GID4: variants seen among roughly 807,000 people sequenced by gnomAD.
GID4 encodes glucose-induced degradation protein 4 homolog.
Under a neutral mutation model 32.4 loss-of-function variants are expected in GID4, and 7 were observed. The observed-to-expected ratio is 0.22, with a 90% CI of 0.12 to 0.41. The LOEUF (loss-of-function observed/expected upper bound fraction) is 0.41. Ranked by LOEUF, GID4 falls within the 10% of genes least tolerant of loss-of-function variation. The probability of loss-of-function intolerance (pLI) is 1.00; values close to 1 mark genes in which losing one functional copy is unlikely to be tolerated. For missense variants in GID4, 309 were observed against 400.0 expected (o/e 0.77, Z 1.94); for synonymous variants, 166 against 170.0 (o/e 0.98, Z 0.18).
chr17:18,051,778 AAGTT>A (rs2145560562), intron 2 of GID4, among the ~76,000 whole-genome samples: 1 of 149,774 alleles, frequency 6.7e-6, no homozygotes, highest in Non-Finnish European at 1.5e-5. Context: ...TTATAATTAA[AAGTT>A]AGTTTATACC....
chr17:18,051,158 C>T (rs1351685521), intron 2 of GID4, among the ~76,000 whole-genome samples: 1 of 152,026 alleles, frequency 6.6e-6, no homozygotes, highest in African/African-American at 2.4e-5. Context: ...CATATTAGGA[C>T]CTCCTCCCCA....
chr17:18,058,705 C>T lies in GID4; in HGVS notation c.607-163C>T, dbSNP rs1027701500. Among the ~76,000 whole-genome samples, 9 of 152,142 alleles carry T rather than the reference C, an allele frequency of 5.9e-5. 1 individual carries two copies. The highest frequency in any genetic ancestry group is 2.2e-4 in the African/African-American group (9 of 41,424). ...GTTGAGTCTGCATTCAATGGGGTGA[C>T]CATAGGGCCCCATCTGTTACTTGGT... On this transcript the variant is annotated intron_variant, in intron 3 of 5. Transcript: ENST00000268719.
intron 1 of GID4, 33 bp from the exon 2 acceptor site, chr17:18,045,114 A>G (rs772109610): frequency 3.8e-6 from 6 of 1,570,786 alleles, no homozygotes; most frequent in South Asian, 3.3e-5. Context: ...AAGTTTATCT[A>G]TTTGTGACAG....
At position 18,039,937 on chromosome 17, in the gene GID4, C is replaced by G. The variant is rs757891822; in HGVS notation, c.438+35C>G. 75 of 1,335,306 alleles carry G rather than the reference C, an allele frequency of 5.6e-5. No homozygotes were observed. Among genetic ancestry groups the G allele is most frequent in the Non-Finnish European group, 1.4e-5 (15 of 1,038,518 alleles). The allele number at this position is 1,335,306 out of a possible 1,614,324, so 82.7% of individuals were successfully genotyped here. A position where few individuals can be genotyped will look rare whatever the true frequency, so the allele number is the denominator to read the frequency against. ...GGGCCGGGCCGGGGCCCGAGGGCCT[C>G]CTCGCGGCGCTCACGGGCCGTGCCC... On this transcript the variant is annotated intron_variant, in intron 1 of 5. Coordinates refer to ENST00000268719, the MANE Select transcript of GID4 (RefSeq NM_024052.5). The surrounding 1 kb of genome is among the most constrained non-coding windows in gnomAD (Gnocchi z 5.3).
At position 18,067,703 on chromosome 17, in the gene GID4, C is replaced by T. The variant is rs532577992; in HGVS notation, c.*2460C>T. ...TGAACCTTCTCAGTGGTTTACATGC[C>T]TCTGAAACTATGTGCAATATTTTTG... On this transcript the variant is annotated 3_prime_UTR_variant, in exon 6 of 6. Coordinates refer to ENST00000268719, the MANE Select transcript of GID4 (RefSeq NM_024052.5). The T allele has an allele frequency of 6.5e-6, 1 of 152,758 alleles. No individual in the cohort carries two copies. Among genetic ancestry groups the T allele is most frequent in the South Asian group, 2.1e-4 (1 of 4,826 alleles). The allele number at this position is 152,758 out of a possible 1,614,324, so 9.5% of individuals were successfully genotyped here.
chr17:18,057,169 T>C (rs2145568085), intron 3 of GID4: 2 of 1,077,726 alleles, frequency 1.9e-6, no homozygotes, highest in African/African-American at 3.2e-5. Flanking sequence ...TGGTGGCTCA[T>C]GCCTGTAATG....
chr17:18,055,772 G>A lies in GID4; in HGVS notation c.606+1538G>A, dbSNP rs376527112. Among the ~76,000 whole-genome samples, 4 of 151,982 alleles carry A rather than the reference G, an allele frequency of 2.6e-5. No homozygotes were observed. The East Asian group carries it at 7.7e-4, about 29-fold the overall frequency. On this transcript the variant is annotated intron_variant, in intron 3 of 5. Transcript: ENST00000268719. The stretch of plus-strand genomic sequence containing the variant: ...CCCAAAGTGCTGGGATTATAGGTGT[G>A]AGCCACTGACCCAACCTGTTTTTTT...
chr17:18,056,827 A>G, intron 3 of GID4: 1 of 1,550,602 alleles, frequency 6.4e-7, no homozygotes. Context: ...CAGGGAGCTG[A>G]ACCTATGGAG....
In GID4 at chr17:18,061,814, T is replaced by A. The variant is rs747699974; in HGVS notation, c.709-31T>A. ...CCCCGTGGGTGGTCAGAGAATGCTA[T>A]CTGTTACTGACCCTCTTCATCTGTG... On this transcript the variant is annotated intron_variant, in intron 4 of 5. Coordinates refer to ENST00000268719, the MANE Select transcript of GID4 (RefSeq NM_024052.5). The surrounding 1 kb of genome is among the most constrained non-coding windows in gnomAD (Gnocchi z 4.4). The A allele has an allele frequency of 1.4e-5, 22 of 1,612,736 alleles. No homozygotes were observed. In the South Asian group the frequency reaches 2.2e-4, roughly 16 times the overall value.
chr17:18,056,562 A>G (rs531929669), intron 3 of GID4: 27 of 760,178 alleles, frequency 3.6e-5, no homozygotes, highest in African/African-American at 3.1e-4. Flanking sequence ...CCTCTCTCCC[A>G]TTCAACTCTA....
intron 1 of GID4, among the ~76,000 whole-genome samples, chr17:18,042,950 C>T (rs937170092): frequency 2.0e-5 from 3 of 152,062 alleles, no homozygotes; most frequent in African/African-American, 7.2e-5. Context: ...ACTTTCTTTT[C>T]TGTGATTCTA....
chr17:18,046,233 ATTC>A (rs2044851520), intron 2 of GID4, among the ~76,000 whole-genome samples: 3 of 152,210 alleles, frequency 2.0e-5, no homozygotes, highest in South Asian at 2.1e-4. Flanking sequence ...CTGGGGTGGC[ATTC>A]TTCTTCTGCC....
At chr17:18,060,978 A>G (rs1222858322) in intron 4 of GID4, among the ~76,000 whole-genome samples, 1 of 151,968 alleles carries the variant, frequency 6.6e-6, no homozygotes, top group Non-Finnish European at 1.5e-5. Context: ...CAGGTGATCC[A>G]CCCACCTCAG....
At chr17:18,051,937 G>A (rs2044913880) in intron 2 of GID4, among the ~76,000 whole-genome samples, 1 of 151,736 alleles carries the variant, frequency 6.6e-6, no homozygotes, top group African/African-American at 2.4e-5. Flanking sequence ...AGACAGGCGT[G>A]GTGGCATGCA....
intron 2 of GID4, among the ~76,000 whole-genome samples, chr17:18,051,652 G>A (rs1467576392): frequency 6.6e-6 from 1 of 151,456 alleles, no homozygotes; most frequent in Non-Finnish European, 1.5e-5. Context: ...ACCAGCCTGG[G>A]CGACAGAGCG....
chr17:18,040,370 C>T (rs1390554595), intron 1 of GID4, among the ~76,000 whole-genome samples: 1 of 152,256 alleles, frequency 6.6e-6, no homozygotes, highest in Non-Finnish European at 1.5e-5. Flanking sequence ...CCTCCTGCCC[C>T]TTCCTCAGTT....
chr17:18,041,136 G>C (rs1177655362), intron 1 of GID4, among the ~76,000 whole-genome samples: 1 of 151,840 alleles, frequency 6.6e-6, no homozygotes, highest in Admixed American at 6.6e-5. Context: ...CTGCCAGGCT[G>C]TTCCCAGAAG....
rs1408493697 is a variant in GID4 at position 18,058,880 on chromosome 17, G to T, written c.619G>T (p.Ala207Ser). The T allele has an allele frequency of 8.1e-6, 13 of 1,609,618 alleles. No individual in the cohort carries two copies. In the East Asian group the frequency reaches 2.9e-4, roughly 36 times the overall value. ...VDRKHWGKFL[A>S]FYQYAKSFNS... ...TTTCTGCTTTCAGGGCAAGTTTCTG[G>T]CTTTTTATCAGTATGCAAAATCATT... Residue 207 changes from alanine (A) to serine (S), a missense_variant, in exon 4 of 6, where the codon GCT (alanine) becomes TCT (serine). Ala to Ser is a moderately conservative substitution (Grantham distance 99). This residue lies in a region of GID4 where 116 missense variants were observed against 214.2 expected (regional missense o/e 0.54). Coordinates refer to ENST00000268719, the MANE Select transcript of GID4 (RefSeq NM_024052.5).
intron 1 of GID4, among the ~76,000 whole-genome samples, chr17:18,042,949 T>C (rs1008365337): frequency 1.3e-5 from 2 of 152,220 alleles, no homozygotes; most frequent in African/African-American, 4.8e-5. Flanking sequence ...TACTTTCTTT[T>C]CTGTGATTCT....
Sources: allele counts gnomAD v4.1 joint callset (sites outside exome capture counted in the v4.1 genomes callset), GRCh38; gene constraint gnomAD v4.1.1; regional missense constraint gnomAD v4.1.1; non-coding constraint Gnocchi (gnomAD v3.1); transcripts MANE v1.5; gene names NCBI Gene and HGNC (gene_info 2026-07-23, HGNC 2026-07-21).